The following DLG2 variants were observed in gnomAD, a reference collection of about 807,000 sequenced individuals.
DLG2 encodes the protein disks large homolog 2.
A neutral mutation model predicts 132.5 loss-of-function variants in DLG2; 45 were observed. The ratio of observed to expected loss-of-function variants is 0.34; its 90% CI spans 0.27 to 0.44. The LOEUF is 0.44. DLG2 is among the 20% of genes least tolerant of loss of function. The probability of loss-of-function intolerance (pLI) is 1.00; values close to 1 mark genes in which losing one functional copy is unlikely to be tolerated. For missense variants in DLG2, 1,045 were observed against 1,196.9 expected, an observed-to-expected ratio of 0.87 and a Z score of 1.87; for synonymous variants, 424 against 419.6, an observed-to-expected ratio of 1.01 and a Z score of -0.13.
chr11:83,850,305 C>T (rs2059514599), intron 16 of DLG2, among the ~76,000 whole-genome samples: 1 of 152,054 alleles, frequency 6.6e-6, no homozygotes. Flanking sequence ...AGGCATGTGC[C>T]ACCACTCCCG....
chr11:84,970,159 A>T (rs2053882162), intron 6 of DLG2, among the ~76,000 whole-genome samples: 1 of 152,116 alleles, frequency 6.6e-6, no homozygotes, highest in Non-Finnish European at 1.5e-5. Context: ...CAGAACTTAC[A>T]GTATAATTTA....
At chr11:85,061,787 C>G (rs2064169582) in intron 6 of DLG2, among the ~76,000 whole-genome samples, 1 of 151,724 alleles carries the variant, frequency 6.6e-6, no homozygotes, top group Non-Finnish European at 1.5e-5. Flanking sequence ...GAAAGTCTAT[C>G]AAAATAACCA....
rs34352995 is a variant in DLG2 at position 83,706,216 on chromosome 11, T to TAA, written c.1826-72893_1826-72892dup. On this transcript the variant is annotated intron_variant, in intron 18 of 27. Coordinates refer to ENST00000376104, the MANE Select transcript of DLG2 (RefSeq NM_001142699.3). ...CTGGGTGACAGAGCAAGACTCCATC[T>TAA]AAAAAAAAAAAAAAACATTTTAAAA... Among the ~76,000 whole-genome samples, 711 of 134,716 alleles carry TAA rather than the reference T, an allele frequency of 5.3e-3. 5 individuals are homozygous for TAA. The highest frequency in any genetic ancestry group is 0.017 in the African/African-American group (627 of 36,478). 88.4% of individuals were successfully genotyped at this position (134,716 alleles called of 152,430 possible).
intron 7 of DLG2, among the ~76,000 whole-genome samples, chr11:84,359,194 T>A (rs1368146673): frequency 6.6e-6 from 1 of 151,920 alleles, no homozygotes; most frequent in African/African-American, 2.4e-5. Flanking sequence ...ATTACAAATT[T>A]TCTCCAAGTT....
intron 6 of DLG2, among the ~76,000 whole-genome samples, chr11:85,108,902 T>C (rs1301231447): frequency 6.6e-6 from 1 of 152,132 alleles, no homozygotes; most frequent in African/African-American, 2.4e-5. Flanking sequence ...CAAGAGAGTT[T>C]TGAGTACATA....
intron 18 of DLG2, among the ~76,000 whole-genome samples, chr11:83,648,916 T>C (rs948825953): frequency 1.3e-5 from 2 of 152,210 alleles, no homozygotes; most frequent in Admixed American, 1.3e-4. Flanking sequence ...GCAGCAGCAG[T>C]GGCAGCTTCT....
chr11:84,923,016 C>G, intron 6 of DLG2: 14 of 1,600,576 alleles, frequency 8.7e-6, no homozygotes, highest in Non-Finnish European at 1.1e-5. Context: ...ACAAGGTAGA[C>G]ATTTTCTGCA....
At chr11:85,408,365 A>G (rs1446062448) in intron 3 of DLG2, among the ~76,000 whole-genome samples, 1 of 150,838 alleles carries the variant, frequency 6.6e-6, no homozygotes. Context: ...TTTATCTTCT[A>G]TTGTAAATTG....
chr11:85,389,983 A>T (rs1565418710), intron 3 of DLG2, among the ~76,000 whole-genome samples: 1 of 152,178 alleles, frequency 6.6e-6, no homozygotes, highest in Non-Finnish European at 1.5e-5. Context: ...AAACAGTATG[A>T]TGAATAGAAT....
intron 17 of DLG2, among the ~76,000 whole-genome samples, chr11:83,804,415 C>T (rs1171183507): frequency 3.9e-5 from 6 of 152,044 alleles, no homozygotes; most frequent in Non-Finnish European, 7.4e-5. Flanking sequence ...GAAACAGGCC[C>T]TGTTTCCTGT....
chr11:84,604,613 G>A (rs906410099), intron 6 of DLG2, among the ~76,000 whole-genome samples: 1 of 151,920 alleles, frequency 6.6e-6, no homozygotes, highest in African/African-American at 2.4e-5. Flanking sequence ...ATCTCAGGAA[G>A]ATAATTTAAA....
chr11:84,370,085 G>A (rs1357892455), intron 7 of DLG2, among the ~76,000 whole-genome samples: 1 of 152,098 alleles, frequency 6.6e-6, no homozygotes, highest in African/African-American at 2.4e-5. Context: ...AGATGAGAAT[G>A]TTATATCTTA....
intron 6 of DLG2, among the ~76,000 whole-genome samples, chr11:84,764,549 A>ACTAC (rs1036552282): frequency 1.3e-5 from 2 of 152,136 alleles, no homozygotes; most frequent in Non-Finnish European, 2.9e-5. Context: ...CACTGTTAGT[A>ACTAC]TCTCCATTCT....
intron 6 of DLG2, among the ~76,000 whole-genome samples, chr11:84,934,317 A>G (rs1004329062): frequency 1.3e-5 from 2 of 151,894 alleles, no homozygotes; most frequent in Non-Finnish European, 2.9e-5. Flanking sequence ...CATCAAGAAT[A>G]TTGGCCTGAA....
intron 7 of DLG2, among the ~76,000 whole-genome samples, chr11:84,526,360 G>C (rs932862189): frequency 6.6e-6 from 1 of 152,056 alleles, no homozygotes; most frequent in African/African-American, 2.4e-5. Flanking sequence ...TCCAATAAGG[G>C]AGTAAAATGA....
At chr11:83,699,966 A>ACACAC in intron 18 of DLG2, among the ~76,000 whole-genome samples, 1 of 127,586 alleles carries the variant, frequency 7.8e-6, no homozygotes, top group African/African-American at 3.2e-5. Context: ...CACACACACA[A>ACACAC]ATACAGTTTG....
intron 3 of DLG2, among the ~76,000 whole-genome samples, chr11:85,518,637 T>C (rs994615482): frequency 6.6e-6 from 1 of 152,160 alleles, no homozygotes; most frequent in Non-Finnish European, 1.5e-5. Context: ...TGAGGATAAA[T>C]TCAAGCTGAC....
At chr11:84,742,962 T>C (rs2064878656) in intron 6 of DLG2, among the ~76,000 whole-genome samples, 1 of 152,194 alleles carries the variant, frequency 6.6e-6, no homozygotes, top group Non-Finnish European at 1.5e-5. Flanking sequence ...TGAATAAAGC[T>C]GTTGTAATTT....
chr11:84,599,964 C>G (rs1385723447), intron 6 of DLG2, among the ~76,000 whole-genome samples: 1 of 151,008 alleles, frequency 6.6e-6, no homozygotes, highest in Non-Finnish European at 1.5e-5. Context: ...CCCTGCGAGG[C>G]TGAGGCTGCA....
Sources: gnomAD v4.1 joint callset for allele counts (sites outside exome capture counted in the v4.1 genomes callset) on GRCh38, gnomAD v4.1.1 for gene constraint, MANE v1.5 for transcripts, NCBI Gene and HGNC (gene_info 2026-07-23, HGNC 2026-07-21) for gene names.